Variants in TATDN2 observed in about 807,000 individuals in gnomAD.
The protein encoded by TATDN2 is 3'-5' RNA nuclease TATDN2.
In TATDN2, 44 loss-of-function variants were observed where a neutral mutation model predicts 60.3. That is an observed-to-expected ratio of 0.73 (90% confidence interval 0.57 to 0.94). The LOEUF is 0.94. TATDN2 is among the 40% of genes least tolerant of loss of function. TATDN2 has a pLI of 0.00. For synonymous variants in TATDN2, 399 were observed against 355.8 expected, an observed-to-expected ratio of 1.12 and a Z score of -1.37; for missense variants, 997 against 948.0, an observed-to-expected ratio of 1.05 and a Z score of -0.68.
intron 3 of TATDN2, among the ~76,000 whole-genome samples, chr3:10,266,948 T>G (rs1698485398): frequency 7.0e-6 from 1 of 141,994 alleles, no homozygotes; most frequent in Admixed American, 7.4e-5. Context: ...TTTTTTTTTT[T>G]GAGACAGAGT....
Position 10,270,986 on chromosome 3 carries a change from T to A in TATDN2, c.1804T>A (p.Cys602Ser). 6.2e-7 allele frequency: 1 copy of A among 1,605,374 alleles called. No homozygotes were observed. Among genetic ancestry groups the A allele is most frequent in the South Asian group, 1.1e-5 (1 of 90,112 alleles). The change falls in exon 4 of 8, where the codon TGC becomes AGC. Residue 602 changes from cysteine (C) to serine (S), a missense_variant. Physicochemically the swap from Cys to Ser is moderately radical, Grantham distance 112 (BLOSUM62 -1). Coordinates refer to ENST00000448281, the MANE Select transcript of TATDN2 (RefSeq NM_014760.4). ...GEMGLDYSYK[C>S]TTPVPEQHKV... Reference sequence around the variant, plus strand: ...AATGGGCTTGGATTACTCTTACAAGTGCACCACGCCTGTCCCAGAACAGCA... The same window carrying A: ...AATGGGCTTGGATTACTCTTACAAGAGCACCACGCCTGTCCCAGAACAGCA...
intron 2 of TATDN2, among the ~76,000 whole-genome samples, chr3:10,257,357 G>A (rs570737876): frequency 4.1e-5 from 6 of 145,950 alleles, no homozygotes; most frequent in Admixed American, 2.7e-4. Flanking sequence ...CAGGCTGAGC[G>A]CGGTGGCTCA....
intron 3 of TATDN2, among the ~76,000 whole-genome samples, chr3:10,266,890 C>G (rs1297456822): frequency 6.7e-6 from 1 of 148,974 alleles, no homozygotes; most frequent in Non-Finnish European, 1.5e-5. Flanking sequence ...ATAAATGTAA[C>G]TTTAAATTTT....
intron 3 of TATDN2, among the ~76,000 whole-genome samples, chr3:10,262,945 G>T (rs1698427503): frequency 6.6e-6 from 1 of 152,024 alleles, no homozygotes; most frequent in Non-Finnish European, 1.5e-5. Context: ...CTGTCACCCA[G>T]GTTGGAGTCC....
intron 2 of TATDN2, among the ~76,000 whole-genome samples, chr3:10,252,219 CAA>C (rs1293150479): frequency 6.7e-6 from 1 of 149,362 alleles, no homozygotes; most frequent in African/African-American, 2.5e-5. Context: ...AGGCTGGTCT[CAA>C]ACTCCTGGGC....
chr3:10,274,115 C>G (rs1054552284), intron 4 of TATDN2, among the ~76,000 whole-genome samples: 3 of 152,166 alleles, frequency 2.0e-5, no homozygotes, highest in Non-Finnish European at 2.9e-5. Flanking sequence ...AATAACTCAT[C>G]TGTACTTCCT....
chr3:10,280,404 G>A lies in TATDN2; in HGVS notation c.*1222G>A, dbSNP rs1698716673. On this transcript the variant is annotated 3_prime_UTR_variant, in exon 8 of 8. Transcript: ENST00000448281. ...GCTGGTGCCTTGTAAAGGTATACTCGTTACAGGCCCTAGAGGTTCTAATGG... is the reference window on the plus strand; with the variant it reads ...GCTGGTGCCTTGTAAAGGTATACTCATTACAGGCCCTAGAGGTTCTAATGG... 1 of 153,752 alleles carries A rather than the reference G, an allele frequency of 6.5e-6. No homozygotes were observed. The highest frequency in any genetic ancestry group is 1.5e-5 in the Non-Finnish European group (1 of 68,076). The allele number at this position is 153,752 out of a possible 1,614,324, so 9.5% of individuals were successfully genotyped here. A position where few individuals can be genotyped will look rare whatever the true frequency, so the allele number is the denominator to read the frequency against.
At chr3:10,267,753 C>T (rs1235393159) in intron 3 of TATDN2, among the ~76,000 whole-genome samples, 1 of 152,134 alleles carries the variant, frequency 6.6e-6, no homozygotes, top group East Asian at 1.9e-4. Context: ...TTTGGGATTG[C>T]CATAATGTGA....
intron 1 of TATDN2, 27 bp downstream of exon 1, chr3:10,249,094 C>T (rs931814830): frequency 1.2e-5 from 17 of 1,371,468 alleles, no homozygotes; most frequent in Admixed American, 2.5e-5. Flanking sequence ...CCTGGCTCTG[C>T]CCTTATGTCT....
intron 2 of TATDN2, among the ~76,000 whole-genome samples, chr3:10,252,096 C>T (rs573484384): frequency 1.2e-4 from 17 of 141,950 alleles, no homozygotes; most frequent in Admixed American, 2.2e-4. Flanking sequence ...TGCAGTGAAC[C>T]GAGATCAAGG....
Position 10,270,128 on chromosome 3 carries a change from C to A in TATDN2, c.949-3C>A. ...CCACTGTTGTATGCCTTCTTTTCTGCAGCATAAAGATAGGGAGGTGGTGAT... is the reference window on the plus strand; with the variant it reads ...CCACTGTTGTATGCCTTCTTTTCTGAAGCATAAAGATAGGGAGGTGGTGAT... On this transcript the variant is annotated splice_region_variant and splice_polypyrimidine_tract_variant and intron_variant, in intron 3 of 7. Coordinates refer to ENST00000448281, the MANE Select transcript of TATDN2 (RefSeq NM_014760.4). The A allele has an allele frequency of 6.2e-7, 1 of 1,605,624 alleles. No homozygotes were observed.
chr3:10,279,011 C>T lies in TATDN2; in HGVS notation c.2272C>T (p.Leu758Phe). Residue 758 changes from leucine (L) to phenylalanine (F), a missense_variant, in exon 7 of 8, where the codon CTC (leucine) becomes TTC (phenylalanine). Coordinates refer to ENST00000448281, the MANE Select transcript of TATDN2 (RefSeq NM_014760.4). ...LAALRENTSR[L>F]YSL is the part of the protein sequence containing the mutation. Reference sequence around the variant, plus strand: ...TGCCTTGCGTGAGAACACCAGTCGCCTCTACAGTCTTTAAGCAGAGAAGGT... The same window carrying T: ...TGCCTTGCGTGAGAACACCAGTCGCTTCTACAGTCTTTAAGCAGAGAAGGT... The T allele has an allele frequency of 6.2e-7, 1 of 1,614,256 alleles. No homozygotes were observed.
At chr3:10,261,419 G>A (rs1559461296) in intron 3 of TATDN2, among the ~76,000 whole-genome samples, 1 of 149,508 alleles carries the variant, frequency 6.7e-6, no homozygotes, top group Non-Finnish European at 1.5e-5. Context: ...TGCCCAGGCT[G>A]GAGTGCGATG....
chr3:10,271,784 C>T (rs1221880472), intron 4 of TATDN2, among the ~76,000 whole-genome samples: 1 of 151,368 alleles, frequency 6.6e-6, no homozygotes, highest in East Asian at 2.0e-4. Context: ...GATCTCGGCT[C>T]ACTGCGGCCT....
intron 4 of TATDN2, among the ~76,000 whole-genome samples, chr3:10,271,470 C>G (rs767951384): frequency 6.6e-6 from 1 of 151,770 alleles, no homozygotes; most frequent in African/African-American, 2.4e-5. Flanking sequence ...TGCATCACTA[C>G]ACCCGGCTAA....
chr3:10,253,354 A>G (rs532927719), intron 2 of TATDN2, among the ~76,000 whole-genome samples: 1 of 152,086 alleles, frequency 6.6e-6, no homozygotes, highest in Non-Finnish European at 1.5e-5. Flanking sequence ...TTCTCCCACC[A>G]GCCTTTAACA....
In TATDN2 at chr3:10,271,048, T is replaced by G. The variant is rs199991090; in HGVS notation, c.1833+33T>G. On this transcript the variant is annotated intron_variant, in intron 4 of 7. Transcript: ENST00000448281. Reference sequence around the variant, plus strand: ...GGCTCTCTTTAGTCTGCTTATAGTTTTAATTTTTCTTTTAGTTGTTGAAGC... The same window carrying G: ...GGCTCTCTTTAGTCTGCTTATAGTTGTAATTTTTCTTTTAGTTGTTGAAGC... 2.1e-4 allele frequency: 309 copies of G among 1,502,550 alleles called. 1 individual carries two copies. Among genetic ancestry groups the G allele is most frequent in the Non-Finnish European group, 1.2e-4 (135 of 1,134,296 alleles). The allele number at this position is 1,502,550 out of a possible 1,614,324, so 93.1% of individuals were successfully genotyped here. A position where few individuals can be genotyped will look rare whatever the true frequency, so the allele number is the denominator to read the frequency against.
chr3:10,271,131 C>CA (rs1698557266), intron 4 of TATDN2, 116 bp downstream of exon 4: 2 of 1,354,686 alleles, frequency 1.5e-6, no homozygotes, highest in Non-Finnish European at 9.8e-7. Context: ...CCTGAAAACG[C>CA]AGTGTGCTTG....
intron 3 of TATDN2, among the ~76,000 whole-genome samples, chr3:10,261,604 G>A (rs1698404151): frequency 6.6e-6 from 1 of 151,998 alleles, no homozygotes; most frequent in African/African-American, 2.4e-5. Context: ...TCCTGACCTC[G>A]TGATCCACCT....
Sources: allele counts gnomAD v4.1 joint callset (sites outside exome capture counted in the v4.1 genomes callset), GRCh38; gene constraint gnomAD v4.1.1; transcripts MANE v1.5; gene names NCBI Gene and HGNC (gene_info 2026-07-23, HGNC 2026-07-21).